The following UNC13C variants were observed in gnomAD, a reference collection of about 807,000 sequenced individuals.
UNC13C encodes unc-13 homolog C, also known as protein unc-13 homolog C.
In UNC13C, 174 loss-of-function variants were observed where a neutral mutation model predicts 245.4. The ratio of observed to expected loss-of-function variants is 0.71; its 90% CI spans 0.63 to 0.80. The LOEUF (loss-of-function observed/expected upper bound fraction) is 0.80, where lower values mean the gene tolerates loss of function less well. UNC13C is among the 30% of genes least tolerant of loss of function. UNC13C has a pLI of 0.00. For missense variants in UNC13C, 2,829 were observed against 2,602.9 expected, an observed-to-expected ratio of 1.09 and a Z score of -1.89; for synonymous variants, 992 against 895.1, an observed-to-expected ratio of 1.11 and a Z score of -1.93.
intron 2 of UNC13C, among the ~76,000 whole-genome samples, chr15:54,026,109 C>G (rs77565547): frequency 0.014 from 2,063 of 152,258 alleles, 44 homozygotes; most frequent in African/African-American, 0.048. Flanking sequence ...ATTTTACTAT[C>G]TGAGAGAAAT....
At chr15:54,374,957 TATAA>T (rs1195376422) in intron 17 of UNC13C, among the ~76,000 whole-genome samples, 1 of 152,258 alleles carries the variant, frequency 6.6e-6, no homozygotes, top group Non-Finnish European at 1.5e-5. Context: ...AATTTAATTC[TATAA>T]ATAAACCACA....
At chr15:54,395,616 T>G (rs1473571291) in intron 18 of UNC13C, among the ~76,000 whole-genome samples, 1 of 151,878 alleles carries the variant, frequency 6.6e-6, no homozygotes, top group Non-Finnish European at 1.5e-5. Context: ...GCAAGTGAAT[T>G]TAATGATTTT....
intron 17 of UNC13C, among the ~76,000 whole-genome samples, chr15:54,377,649 G>A (rs1186679458): frequency 6.6e-6 from 1 of 152,176 alleles, no homozygotes; most frequent in Non-Finnish European, 1.5e-5. Context: ...AGATGAAGGT[G>A]CTAGCAGATT....
At chr15:54,192,543 T>A (rs2034220777) in intron 4 of UNC13C, among the ~76,000 whole-genome samples, 1 of 152,198 alleles carries the variant, frequency 6.6e-6, no homozygotes, top group South Asian at 2.1e-4. Context: ...CCTGGTTCTC[T>A]AACATCTTAC....
At chr15:54,409,493 T>C (rs1281772541) in intron 18 of UNC13C, among the ~76,000 whole-genome samples, 2 of 152,118 alleles carry the variant, frequency 1.3e-5, no homozygotes, top group Non-Finnish European at 1.5e-5. Flanking sequence ...ATAAGCATAG[T>C]AGCCAATAGG....
chr15:54,027,571 AT>A (rs1471964512), intron 2 of UNC13C, among the ~76,000 whole-genome samples: 3 of 151,990 alleles, frequency 2.0e-5, no homozygotes, highest in Admixed American at 2.0e-4. Context: ...GGGTTTTATC[AT>A]GTTGGCCAGG....
intron 2 of UNC13C, among the ~76,000 whole-genome samples, chr15:54,123,713 G>T (rs930256952): frequency 7.2e-5 from 11 of 152,112 alleles, no homozygotes; most frequent in African/African-American, 1.7e-4. Context: ...TTTGGCATTG[G>T]TATAATGTGC....
intron 19 of UNC13C, among the ~76,000 whole-genome samples, chr15:54,445,808 T>C (rs1273371431): frequency 1.3e-5 from 2 of 152,204 alleles, no homozygotes; most frequent in South Asian, 2.1e-4. Context: ...TGGATCCCAT[T>C]TGTCAAGTTT....
At chr15:54,213,589 G>C (rs2034951836) in intron 4 of UNC13C, among the ~76,000 whole-genome samples, 1 of 151,986 alleles carries the variant, frequency 6.6e-6, no homozygotes, top group African/African-American at 2.4e-5. Flanking sequence ...ACCCCTCTGG[G>C]TACATTCATG....
chr15:54,227,898 G>A (rs771459810), intron 4 of UNC13C, among the ~76,000 whole-genome samples: 25 of 152,210 alleles, frequency 1.6e-4, no homozygotes, highest in Non-Finnish European at 2.8e-4. Flanking sequence ...ACAATAAGCA[G>A]GTGGTAAGGC....
At chr15:54,272,593 T>C (rs2036715067) in intron 10 of UNC13C, among the ~76,000 whole-genome samples, 1 of 152,180 alleles carries the variant, frequency 6.6e-6, no homozygotes, top group Admixed American at 6.5e-5. Flanking sequence ...TAGTCACACT[T>C]TATGGGATTA....
intron 10 of UNC13C, among the ~76,000 whole-genome samples, chr15:54,276,672 T>G (rs1167035809): frequency 6.6e-6 from 1 of 152,132 alleles, no homozygotes; most frequent in African/African-American, 2.4e-5. Flanking sequence ...TGTGAATTTT[T>G]TATACGTTAC....
upstream of UNC13C, among the ~76,000 whole-genome samples, chr15:53,975,521 T>G (rs1024585695): frequency 2.0e-5 from 3 of 152,244 alleles, no homozygotes; most frequent in African/African-American, 7.2e-5. Flanking sequence ...TCTAAAACAC[T>G]GAAAACACAA....
the UNC13C span, among the ~76,000 whole-genome samples, chr15:53,960,165 TG>T: frequency 2.6e-5 from 4 of 152,178 alleles, no homozygotes; most frequent in African/African-American, 9.7e-5. Flanking sequence ...GAATGAGATC[TG>T]GGTTTGGATC....
chr15:53,839,981 C>G, the UNC13C span, among the ~76,000 whole-genome samples: 3 of 152,026 alleles, frequency 2.0e-5, no homozygotes, highest in Admixed American at 2.0e-4. Flanking sequence ...CCATTCTTCC[C>G]ATCCCCCAAT....
At chr15:54,188,901 C>G (rs1372609963) in intron 4 of UNC13C, among the ~76,000 whole-genome samples, 1 of 152,268 alleles carries the variant, frequency 6.6e-6, no homozygotes, top group African/African-American at 2.4e-5. Flanking sequence ...GGAAGAAATG[C>G]AATCTTACTC....
chr15:54,300,401 C>G (rs1000306119), intron 13 of UNC13C, 28 bp downstream of exon 13: 2 of 1,530,938 alleles, frequency 1.3e-6, no homozygotes, highest in African/African-American at 2.8e-5. Context: ...TTTACATGGT[C>G]AATATCTCTA....
At chr15:54,299,345 C>T (rs1199912541) in intron 12 of UNC13C, among the ~76,000 whole-genome samples, 1 of 152,126 alleles carries the variant, frequency 6.6e-6, no homozygotes, top group African/African-American at 2.4e-5. Context: ...AATTCTCCAA[C>T]ATTCATTTTC....
chr15:53,894,127 G>A, the UNC13C span, among the ~76,000 whole-genome samples: 1 of 152,190 alleles, frequency 6.6e-6, no homozygotes, highest in Admixed American at 6.5e-5. Flanking sequence ...CCCAGGTGAG[G>A]CGACACCCCA....
Sources: allele counts gnomAD v4.1 joint callset (sites outside exome capture counted in the v4.1 genomes callset), GRCh38; gene constraint gnomAD v4.1.1; transcripts MANE v1.5; gene names NCBI Gene and HGNC (gene_info 2026-07-23, HGNC 2026-07-21).